TM2D3: variants seen among roughly 807,000 people sequenced by gnomAD.
TM2D3 encodes TM2 domain containing 3, also known as TM2 domain-containing protein 3.
A neutral mutation model predicts 27.3 loss-of-function variants in TM2D3; 33 were observed. The observed-to-expected ratio is 1.21, with a 90% CI of 0.92 to 1.61. TM2D3 has a LOEUF of 1.61. TM2D3 is among the 40% of genes most tolerant of loss of function. The pLI, the probability that TM2D3 is intolerant of heterozygous loss-of-function variation, is 0.00. For missense variants in TM2D3, 364 were observed against 320.8 expected (o/e 1.13, Z -1.03); for synonymous variants, 138 against 122.2 (o/e 1.13, Z -0.85).
At chr15:101,636,971 T>C (rs1896565000), downstream of TM2D3, 1 of 402,496 alleles carries the variant, frequency 2.5e-6, no homozygotes, top group African/African-American at 2.1e-5. Flanking sequence ...CCGAACCAAA[T>C]ATGAGTGAGG....
intron 4 of TM2D3, 106 bp downstream of exon 4, chr15:101,646,619 A>C (rs1171438134): frequency 8.1e-7 from 1 of 1,227,940 alleles, no homozygotes; most frequent in Non-Finnish European, 1.2e-6. Context: ...GCTGCTGATA[A>C]ATGTTTCTAA....
At chr15:101,647,033 AAC>A (rs1298073277) in intron 3 of TM2D3, 134 bp from the exon 4 acceptor site, 34 of 825,818 alleles carry the variant, frequency 4.1e-5, no homozygotes, top group Non-Finnish European at 5.9e-5. Flanking sequence ...GTGCCAGAAA[AAC>A]AGTTACCAAA....
In TM2D3 at chr15:101,652,109, G is replaced by A. The variant is rs546477030; in HGVS notation, c.91+162C>T. 161 of 640,594 alleles carry A rather than the reference G, an allele frequency of 2.5e-4. 1 individual carries two copies. The highest frequency in any genetic ancestry group is 1.2e-3 in the African/African-American group (61 of 51,248). The allele number at this position is 640,594 out of a possible 1,614,324, so 39.7% of individuals were successfully genotyped here. A position where few individuals can be genotyped will look rare whatever the true frequency, so the allele number is the denominator to read the frequency against. ...GCGGAGGGGCGGCCTCGGGCCGGGC[G>A]GCCAGGGCGCCAGACTCCAGATGCA... On this transcript the variant is annotated intron_variant, in intron 1 of 5. Transcript: ENST00000333202.
intron 4 of TM2D3, chr15:101,636,819 C>T: frequency 3.0e-6 from 1 of 336,996 alleles, no homozygotes; most frequent in Non-Finnish European, 6.1e-6. Context: ...TCCACATTCT[C>T]ATCAATACTT....
chr15:101,645,094 C>A lies in TM2D3; in HGVS notation c.571G>T (p.Ala191Ser), dbSNP rs774943642. ...ACGAGTAACAAGGCTTACCTTAGAG[C>A]CAGAGCCGTAGACCACTTATAGCCT... Reference protein sequence around the residue: ...TGGYKWSTALALSITLGGFGA... With the variant: ...TGGYKWSTALSLSITLGGFGA... The change falls in exon 5 of 6, where the codon GCT becomes TCT. Residue 191 changes from alanine to serine, a missense_variant. Transcript: ENST00000333202. 24 of 1,613,134 alleles carry A rather than the reference C, an allele frequency of 1.5e-5. No individual in the cohort carries two copies. The highest frequency in any genetic ancestry group is 2.0e-5 in the Non-Finnish European group (24 of 1,179,736).
At chr15:101,650,310 A>G in intron 2 of TM2D3, 149 bp from the exon 3 acceptor site, 1 of 718,254 alleles carries the variant, frequency 1.4e-6, no homozygotes, top group Non-Finnish European at 2.2e-6. Flanking sequence ...AGACACCTGC[A>G]ATTAAAGCAG....
rs1017904852 is a variant in TM2D3, at chr15:101,642,240, C to A, written c.*239G>T. 6.7e-6 allele frequency: 8 copies of A among 1,195,726 alleles called. No homozygotes were observed. The Admixed American group carries it at 1.8e-4, about 27-fold the overall frequency. 74.1% of individuals were successfully genotyped at this position (1,195,726 alleles called of 1,614,324 possible). On this transcript the variant is annotated 3_prime_UTR_variant, in exon 6 of 6. Coordinates refer to ENST00000333202, the MANE Select transcript of TM2D3 (RefSeq NM_078474.3). ...ATGGATTTTCAATCACTGTATAATT[C>A]ATTCTCCTGGCTTAAGTACGTTTTA... is the stretch of plus-strand genomic sequence containing the variant.
chr15:101,635,114 C>T (rs1423674574), intron 4 of TM2D3: 1 of 152,170 alleles, frequency 6.6e-6, no homozygotes, highest in East Asian at 1.9e-4. Flanking sequence ...GAACTGAGAT[C>T]GTGCCTCTGC....
At chr15:101,650,217 GAAC>G in intron 2 of TM2D3, 56 bp from the exon 3 acceptor site, 1 of 1,542,656 alleles carries the variant, frequency 6.5e-7, no homozygotes, top group Non-Finnish European at 8.8e-7. Flanking sequence ...GAATAACAGA[GAAC>G]AATCTTCTAA....
At chr15:101,649,714 G>C (rs1268094678) in intron 3 of TM2D3, among the ~76,000 whole-genome samples, 1 of 152,188 alleles carries the variant, frequency 6.6e-6, no homozygotes, top group Non-Finnish European at 1.5e-5. Flanking sequence ...CTTCAGATAT[G>C]CTAGTAGACT....
At position 101,642,393 on chromosome 15, in the gene TM2D3, A is replaced by T; in HGVS notation, c.*86T>A. Reference sequence around the variant, plus strand: ...TACAGATGCTGTACATTAAAAACATAGAAATATATCACTCACACCACATCA... The same window carrying T: ...TACAGATGCTGTACATTAAAAACATTGAAATATATCACTCACACCACATCA... On this transcript the variant is annotated 3_prime_UTR_variant, in exon 6 of 6. Transcript: ENST00000333202. The T allele has an allele frequency of 7.1e-7, 1 of 1,413,504 alleles. No individual in the cohort carries two copies. The highest frequency in any genetic ancestry group is 2.7e-5 in the Admixed American group (1 of 36,484). 87.6% of individuals were successfully genotyped at this position (1,413,504 alleles called of 1,614,324 possible).
At chr15:101,642,745 T>TC in intron 5 of TM2D3, 101 bp from the exon 6 acceptor site, 2 of 990,678 alleles carry the variant, frequency 2.0e-6, no homozygotes, top group South Asian at 4.1e-5. Context: ...AGAAAGGGCT[T>TC]CCCCTGATCG....
chr15:101,648,889 T>C (rs1226581300), intron 3 of TM2D3, among the ~76,000 whole-genome samples: 2 of 152,356 alleles, frequency 1.3e-5, no homozygotes, highest in Admixed American at 6.5e-5. Flanking sequence ...CATAAATTCC[T>C]ACATGTACAA....
At chr15:101,640,472 T>G (rs1014605340), downstream of TM2D3, among the ~76,000 whole-genome samples, 2 of 152,196 alleles carry the variant, frequency 1.3e-5, no homozygotes, top group African/African-American at 4.8e-5. Flanking sequence ...CCGTTTATGG[T>G]ATTGTTATAG....
exon 5 of TM2D3, chr15:101,633,064 G>C (rs1382742078): frequency 6.6e-6 from 1 of 152,200 alleles, no homozygotes; most frequent in Non-Finnish European, 1.5e-5. Context: ...AGAATTCTAT[G>C]TTTGGCAAAA....
rs1896686597 is a variant in TM2D3, at chr15:101,642,249, G to A, written c.*230C>T. ...CAATCACTGTATAATTCATTCTCCT[G>A]GCTTAAGTACGTTTTAATTTTTTCA... On this transcript the variant is annotated 3_prime_UTR_variant, in exon 6 of 6. Coordinates refer to ENST00000333202, the MANE Select transcript of TM2D3 (RefSeq NM_078474.3). 1 of 1,214,194 alleles carries A rather than the reference G, an allele frequency of 8.2e-7. No homozygotes were observed. The highest frequency in any genetic ancestry group is 1.0e-6 in the Non-Finnish European group (1 of 974,778). The allele number at this position is 1,214,194 out of a possible 1,614,324, so 75.2% of individuals were successfully genotyped here.
Position 101,646,807 on chromosome 15 carries a change from G to C in TM2D3, c.420C>G (p.Asn140Lys). The C allele has an allele frequency of 6.2e-7, 1 of 1,614,242 alleles. No homozygotes were observed. The highest frequency in any genetic ancestry group is 1.1e-5 in the South Asian group (1 of 91,090). ...AGGACACCGTCATGCAGCTGGTGGA[G>C]TTGGTACACTCGTAATCTGTTTCAG... ...QLPETDYECTNSTSCMTVSCP... is the reference protein window; with the variant it reads ...QLPETDYECTKSTSCMTVSCP... Residue 140 changes from asparagine to lysine, a missense_variant, in exon 4 of 6, where the codon AAC becomes AAG. Transcript: ENST00000333202.
rs1379267138 is a variant in TM2D3 at position 101,642,349 on chromosome 15, T to C, written c.*130A>G. The C allele has an allele frequency of 1.5e-6, 2 of 1,349,826 alleles. No homozygotes were observed. The highest frequency in any genetic ancestry group is 3.0e-5 in the African/African-American group (2 of 67,404). 83.6% of individuals were successfully genotyped at this position (1,349,826 alleles called of 1,614,324 possible). A position where few individuals can be genotyped will look rare whatever the true frequency, so the allele number is the denominator to read the frequency against. On this transcript the variant is annotated 3_prime_UTR_variant, in exon 6 of 6. Coordinates refer to ENST00000333202, the MANE Select transcript of TM2D3 (RefSeq NM_078474.3). ...AGTTCAGCGTTTCATTTATCTTACC[T>C]TTATCAAGGCAAACAAAGTACAGAT...
In TM2D3 at chr15:101,641,931, A is replaced by C; in HGVS notation, c.*548T>G. The C allele has an allele frequency of 3.0e-6, 3 of 984,012 alleles. No individual in the cohort carries two copies. Among genetic ancestry groups the C allele is most frequent in the Non-Finnish European group, 3.6e-6 (3 of 828,616 alleles). The allele number at this position is 984,012 out of a possible 1,614,324, so 61.0% of individuals were successfully genotyped here. ...GAAAATTTAAACCATAACTAGACAT[A>C]AACATTCTGCAGTTTAATTCAAATT... On this transcript the variant is annotated 3_prime_UTR_variant, in exon 6 of 6. Coordinates refer to ENST00000333202, the MANE Select transcript of TM2D3 (RefSeq NM_078474.3).
Sources: gnomAD v4.1 joint callset for allele counts (sites outside exome capture counted in the v4.1 genomes callset) on GRCh38, gnomAD v4.1.1 for gene constraint, MANE v1.5 for transcripts, NCBI Gene and HGNC (gene_info 2026-07-23, HGNC 2026-07-21) for gene names.